The following CTNNA1 variants were observed in gnomAD, a reference collection of about 807,000 sequenced individuals.
CTNNA1 encodes catenin alpha 1.
A neutral mutation model predicts 98.4 loss-of-function variants in CTNNA1; 37 were observed. The observed-to-expected ratio is 0.38, with a 90% CI of 0.29 to 0.49. The LOEUF is 0.49. Among genes scored for constraint, CTNNA1 ranks in the 20% least tolerant of loss-of-function variants. The pLI is 0.95. For synonymous variants in CTNNA1, 404 were observed against 413.2 expected (o/e 0.98, Z 0.27); for missense variants, 761 against 1,147.2 (o/e 0.66, Z 4.86).
At chr5:138,930,170 A>T (rs1256366579) in intron 14 of CTNNA1, among the ~76,000 whole-genome samples, 1 of 152,158 alleles carries the variant, frequency 6.6e-6, no homozygotes, top group Non-Finnish European at 1.5e-5. Flanking sequence ...TTCTTGTCTT[A>T]TATTAATAAG....
chr5:138,892,264 A>G (rs983188585), intron 9 of CTNNA1, among the ~76,000 whole-genome samples: 3 of 149,898 alleles, frequency 2.0e-5, no homozygotes, highest in African/African-American at 7.3e-5. Flanking sequence ...ACATACTTAC[A>G]TATTTTCAGG....
chr5:138,802,658 C>A (rs903047545), intron 3 of CTNNA1, among the ~76,000 whole-genome samples: 1 of 152,194 alleles, frequency 6.6e-6, no homozygotes, highest in African/African-American at 2.4e-5. Flanking sequence ...TCCTGTGCTA[C>A]TGTGCAAAGT....
intron 1 of CTNNA1, among the ~76,000 whole-genome samples, chr5:138,776,395 T>G (rs1040921384): frequency 5.3e-5 from 8 of 152,316 alleles, no homozygotes; most frequent in Middle Eastern, 3.4e-3. Flanking sequence ...CAAGGCAGAA[T>G]AATTTTTCTT....
At position 138,924,646 on chromosome 5, in the gene CTNNA1, C is replaced by A; in HGVS notation, c.1683C>A (p.Asp561Glu). The change falls in exon 12 of 18, where the codon GAC (aspartate) becomes GAA (glutamate). Residue 561 changes from aspartate to glutamate, a missense_variant. Coordinates refer to ENST00000302763, the MANE Select transcript of CTNNA1 (RefSeq NM_001903.5). Reference sequence around the variant, plus strand: ...TTCACGTAGTCACCTCAGAGATGGACAACTATGAGCCAGGAGTCTACACAG... The same window carrying A: ...TTCACGTAGTCACCTCAGAGATGGAAAACTATGAGCCAGGAGTCTACACAG... ...RVIHVVTSEM[D>E]NYEPGVYTEK... 1 of 1,610,712 alleles carries A rather than the reference C, an allele frequency of 6.2e-7. No individual in the cohort carries two copies. The highest frequency in any genetic ancestry group is 8.5e-7 in the Non-Finnish European group (1 of 1,178,460).
At chr5:138,811,389 C>T (rs7736513) in intron 4 of CTNNA1, among the ~76,000 whole-genome samples, 46,426 of 73,192 alleles carry the variant, frequency 0.63, 15,785 homozygotes, top group East Asian at 0.98. Context: ...CCTCACTTCC[C>T]AGATGGGATG....
intron 6 of CTNNA1, among the ~76,000 whole-genome samples, chr5:138,825,000 T>G (rs980151400): frequency 1.3e-5 from 2 of 152,238 alleles, no homozygotes; most frequent in Non-Finnish European, 2.9e-5. Flanking sequence ...TTGTTTTTAG[T>G]TTGAATTAAA....
intron 11 of CTNNA1, among the ~76,000 whole-genome samples, chr5:138,919,960 T>G (rs1470360941): frequency 6.8e-6 from 1 of 146,158 alleles, no homozygotes; most frequent in Non-Finnish European, 1.5e-5. Flanking sequence ...CCATGGTAGC[T>G]TTGGCAATTT....
Position 138,925,375 on chromosome 5 carries a change from C to A in CTNNA1, c.1867C>A (p.Arg623=). Residue 623 remains arginine (R), a synonymous_variant, in exon 13 of 18, where the codon CGG becomes AGG. Transcript: ENST00000302763. ...TTCCCGCCTGGTATATGATGGCATC[C>A]GGGACATCAGGAAAGCAGTGCTGAT... The part of the protein sequence containing the change: ...DASRLVYDGI[R]DIRKAVLMIR... The A allele has an allele frequency of 6.2e-7, 1 of 1,614,082 alleles. No homozygotes were observed. The highest frequency in any genetic ancestry group is 1.1e-5 in the South Asian group (1 of 91,082).
At chr5:138,833,412 A>G (rs1761471633) in intron 7 of CTNNA1, among the ~76,000 whole-genome samples, 2 of 152,238 alleles carry the variant, frequency 1.3e-5, no homozygotes, top group African/African-American at 4.8e-5. Flanking sequence ...TAAGTACATC[A>G]GATTTCAGAG....
intron 7 of CTNNA1, among the ~76,000 whole-genome samples, chr5:138,876,852 G>A (rs531839888): frequency 1.3e-5 from 2 of 152,316 alleles, no homozygotes; most frequent in East Asian, 3.9e-4. Flanking sequence ...AGCAGTGCAG[G>A]TGTGTGGTTT....
intron 3 of CTNNA1, among the ~76,000 whole-genome samples, chr5:138,804,783 G>T (rs1307792928): frequency 6.6e-6 from 1 of 152,050 alleles, no homozygotes; most frequent in African/African-American, 2.4e-5. Flanking sequence ...TATGTATTAG[G>T]TTGGTGCAAA....
chr5:138,924,784 C>A, intron 12 of CTNNA1, 74 bp downstream of exon 12: 1 of 1,322,584 alleles, frequency 7.6e-7, no homozygotes, highest in Non-Finnish European at 1.1e-6. Context: ...ATTAGCCCAG[C>A]CCTGTGGTGA....
chr5:138,835,297 C>G (rs1761673807), intron 7 of CTNNA1, among the ~76,000 whole-genome samples: 1 of 152,160 alleles, frequency 6.6e-6, no homozygotes, highest in Admixed American at 6.5e-5. Context: ...ATTTTCCATG[C>G]TAGACTGGTG....
intron 3 of CTNNA1, among the ~76,000 whole-genome samples, chr5:138,802,549 A>C (rs1233465739): frequency 6.6e-6 from 1 of 152,164 alleles, no homozygotes; most frequent in Non-Finnish European, 1.5e-5. Context: ...GGAAACTGCC[A>C]AAAATTTTTA....
At chr5:138,768,768 A>G (rs1281673874) in intron 1 of CTNNA1, among the ~76,000 whole-genome samples, 2 of 151,908 alleles carry the variant, frequency 1.3e-5, no homozygotes, top group Non-Finnish European at 2.9e-5. Context: ...TAGGGCATTC[A>G]GTGGGTCAGG....
chr5:138,780,864 A>T (rs1474009880), intron 1 of CTNNA1, among the ~76,000 whole-genome samples: 1 of 152,188 alleles, frequency 6.6e-6, no homozygotes, highest in African/African-American at 2.4e-5. Flanking sequence ...GAAAGTTTAT[A>T]TTAGTGTTTA....
chr5:138,919,449 C>T (rs766401934), intron 11 of CTNNA1, among the ~76,000 whole-genome samples: 3 of 152,228 alleles, frequency 2.0e-5, no homozygotes, highest in Admixed American at 1.3e-4. Context: ...GTCCCTCATG[C>T]ACCATTCGTC....
chr5:138,808,124 T>TA (rs1758292823), intron 3 of CTNNA1, among the ~76,000 whole-genome samples: 1 of 152,152 alleles, frequency 6.6e-6, no homozygotes, highest in Non-Finnish European at 1.5e-5. Flanking sequence ...CTTCCCTGAG[T>TA]AAATAGTTTT....
At chr5:138,839,205 A>G (rs1762059879) in intron 7 of CTNNA1, among the ~76,000 whole-genome samples, 1 of 152,084 alleles carries the variant, frequency 6.6e-6, no homozygotes, top group African/African-American at 2.4e-5. Flanking sequence ...CTTGACAAAT[A>G]ATATGTATTC....
Sources: allele counts gnomAD v4.1 joint callset (sites outside exome capture counted in the v4.1 genomes callset), GRCh38; gene constraint gnomAD v4.1.1; transcripts MANE v1.5; gene names NCBI Gene and HGNC (gene_info 2026-07-23, HGNC 2026-07-21).